The following COL27A1 variants were observed in gnomAD, a reference collection of about 807,000 sequenced individuals.
COL27A1 encodes the protein collagen alpha-1(XXVII) chain.
Under a neutral mutation model 251.3 loss-of-function variants are expected in COL27A1, and 106 were observed. The ratio of observed to expected loss-of-function variants is 0.42; its 90% CI spans 0.36 to 0.50. The LOEUF is 0.50. COL27A1 is among the 20% of genes least tolerant of loss of function. The pLI, the probability that COL27A1 is intolerant of heterozygous loss-of-function variation, is 0.00. For missense variants in COL27A1, 2,325 were observed against 2,522.8 expected (o/e 0.92, Z 1.68); for synonymous variants, 1,000 against 986.3 (o/e 1.01, Z -0.26).
intron 42 of COL27A1, 74 bp from the exon 43 acceptor site, chr9:114,288,628 G>A (rs373784590): frequency 1.1e-5 from 17 of 1,563,914 alleles, no homozygotes; most frequent in East Asian, 4.5e-5. Flanking sequence ...CGCAGAGGTC[G>A]CGGCCAACAG....
At chr9:114,245,180 A>C (rs1454008217) in intron 23 of COL27A1, among the ~76,000 whole-genome samples, 1 of 114,342 alleles carries the variant, frequency 8.7e-6, no homozygotes, top group Non-Finnish European at 1.7e-5. Context: ...TTTTTTTGAC[A>C]GTCTCGCTCT....
chr9:114,237,405 G>A (rs1564507601), intron 18 of COL27A1, among the ~76,000 whole-genome samples: 1 of 152,232 alleles, frequency 6.6e-6, no homozygotes, highest in Non-Finnish European at 1.5e-5. Context: ...TACCCCAGGA[G>A]TGAGGGAATT....
Position 114,237,642 on chromosome 9 carries a change from C to T in COL27A1, c.2674-20C>T. ...TGGGGTCCTCACCCCTGCCTCCCTGCAACCTCTTCTCTTCCACAGGGCAAA... is the reference window on the plus strand; with the variant it reads ...TGGGGTCCTCACCCCTGCCTCCCTGTAACCTCTTCTCTTCCACAGGGCAAA... On this transcript the variant is annotated intron_variant, in intron 18 of 60. Transcript: ENST00000356083. 1 of 1,613,122 alleles carries T rather than the reference C, an allele frequency of 6.2e-7. No individual in the cohort carries two copies. Among genetic ancestry groups the T allele is most frequent in the East Asian group, 2.2e-5 (1 of 44,872 alleles).
intron 6 of COL27A1, 118 bp from the exon 7 acceptor site, chr9:114,195,841 C>A: frequency 1.2e-6 from 1 of 852,002 alleles, no homozygotes; most frequent in Non-Finnish European, 2.0e-6. Flanking sequence ...CTCTACTTCT[C>A]TATGAATCTC....
At position 114,310,664 on chromosome 9, in the gene COL27A1, G is replaced by A. The variant is rs755653170; in HGVS notation, c.5552G>A (p.Arg1851His). 6.2e-6 allele frequency: 10 copies of A among 1,614,048 alleles called. No individual in the cohort carries two copies. The highest frequency in any genetic ancestry group is 2.2e-5 in the East Asian group (1 of 44,890). The change falls in exon 61 of 61, where the codon CGC becomes CAC. Residue 1851 changes from arginine (R) to histidine (H), a missense_variant. Physicochemically the swap from Arg to His is conservative, Grantham distance 29. Transcript: ENST00000356083. ...LPPASSGKQYRLEVGPACFL is the reference protein window; with the variant it reads ...LPPASSGKQYHLEVGPACFL The stretch of plus-strand genomic sequence containing the variant: ...CCTGCCTCATCAGGGAAGCAGTACC[G>A]CCTGGAAGTTGGACCTGCGTGCTTC...
chr9:114,204,563 G>A (rs746770944), intron 7 of COL27A1, among the ~76,000 whole-genome samples: 6 of 152,178 alleles, frequency 3.9e-5, no homozygotes, highest in African/African-American at 7.2e-5. Context: ...AGGAGCTGGG[G>A]CCGGTGGGAG....
At chr9:114,214,811 G>A (rs1266571342) in intron 12 of COL27A1, among the ~76,000 whole-genome samples, 1 of 152,214 alleles carries the variant, frequency 6.6e-6, no homozygotes, top group Non-Finnish European at 1.5e-5. Flanking sequence ...CTGGCGAGGG[G>A]TCCAGGTGGA....
At chr9:114,240,142 A>G in intron 19 of COL27A1, 78 bp from the exon 20 acceptor site, 1 of 1,285,268 alleles carries the variant, frequency 7.8e-7, no homozygotes, top group South Asian at 1.2e-5. Context: ...AAACCCGGTC[A>G]GTCTCCCTGC....
intron 15 of COL27A1, 22 bp downstream of exon 15, chr9:114,231,154 G>A (rs371299354): frequency 6.8e-6 from 11 of 1,612,096 alleles, no homozygotes; most frequent in Middle Eastern, 3.3e-4. Flanking sequence ...ATGTTCCCCC[G>A]ATTCAGGCCT....
chr9:114,275,805 G>T (rs887385388), intron 37 of COL27A1, 37 bp downstream of exon 37: 11 of 1,399,404 alleles, frequency 7.9e-6, no homozygotes, highest in Non-Finnish European at 1.1e-5. Flanking sequence ...CTGGAGCTCT[G>T]GGGTACCCTG....
chr9:114,278,982 C>T (rs865823568), intron 37 of COL27A1, among the ~76,000 whole-genome samples: 1 of 152,166 alleles, frequency 6.6e-6, no homozygotes, highest in Non-Finnish European at 1.5e-5. Context: ...TGTATGCTCT[C>T]GGCTGGAGAG....
chr9:114,276,536 C>T (rs61161329), intron 37 of COL27A1, among the ~76,000 whole-genome samples: 3,414 of 152,198 alleles, frequency 0.022, 115 homozygotes, highest in African/African-American at 0.078. Flanking sequence ...ACCTGGGAGG[C>T]GGGGGTTGCA....
intron 24 of COL27A1, 71 bp from the exon 25 acceptor site, chr9:114,250,544 G>T (rs1833469135): frequency 1.4e-6 from 2 of 1,429,056 alleles, no homozygotes; most frequent in South Asian, 2.3e-5. Context: ...ATGAGCTTCA[G>T]GGGAAGGAGC....
At chr9:114,175,936 T>C (rs1477647987) in intron 3 of COL27A1, among the ~76,000 whole-genome samples, 1 of 152,208 alleles carries the variant, frequency 6.6e-6, no homozygotes, top group Non-Finnish European at 1.5e-5. Context: ...GAAATGCCAG[T>C]GCCAGGAAGT....
At position 114,173,164 on chromosome 9, in the gene COL27A1, CCG is replaced by C. The variant is rs1443620897; in HGVS notation, c.1908+3702_1908+3703del. On this transcript the variant is annotated intron_variant, in intron 3 of 60. Transcript: ENST00000356083. ...CCCTGGGTGAGTTGGGGCGGGGAGG[CCG>C]TGGTTCACAGCCCTGCACAGAAGCT... 2.0e-5 allele frequency among the ~76,000 whole-genome samples: 3 copies of C among 152,238 alleles called. No homozygotes were observed. The East Asian group carries it at 5.8e-4, about 29-fold the overall frequency.
At chr9:114,180,024 G>A (rs145004280) in intron 4 of COL27A1, among the ~76,000 whole-genome samples, 16 of 151,888 alleles carry the variant, frequency 1.1e-4, no homozygotes, top group African/African-American at 3.9e-4. Context: ...ATTTTTAGTA[G>A]ACATGGGGTT....
intron 28 of COL27A1, among the ~76,000 whole-genome samples, chr9:114,260,680 T>C (rs1834254718): frequency 6.6e-6 from 1 of 151,676 alleles, no homozygotes; most frequent in Non-Finnish European, 1.5e-5. Flanking sequence ...CAAGGGAGGC[T>C]CTCATCCTCT....
At chr9:114,285,042 T>C (rs1026578911) in intron 41 of COL27A1, among the ~76,000 whole-genome samples, 6 of 152,224 alleles carry the variant, frequency 3.9e-5, no homozygotes, top group African/African-American at 1.4e-4. Flanking sequence ...TCACGGGGCT[T>C]ATAGTCAAGA....
rs776196829 is a variant in COL27A1 at position 114,302,160 on chromosome 9, TG to T, written c.4872+57del. 2.6e-6 allele frequency: 4 copies of T among 1,511,204 alleles called. No homozygotes were observed. The African/African-American group carries it at 5.5e-5, about 21-fold the overall frequency. 93.6% of individuals were successfully genotyped at this position (1,511,204 alleles called of 1,614,324 possible). Reference sequence around the variant, plus strand: ...TACTTGGGGTAAGGCCTGAGGGGTTTGGGGGAAGAGGCTGCTGGCCCTCTCT... The same window carrying T: ...TACTTGGGGTAAGGCCTGAGGGGTTTGGGGAAGAGGCTGCTGGCCCTCTCT... On this transcript the variant is annotated intron_variant, in intron 56 of 60. Transcript: ENST00000356083.
Sources: gnomAD v4.1 joint callset for allele counts (sites outside exome capture counted in the v4.1 genomes callset) on GRCh38, gnomAD v4.1.1 for gene constraint, MANE v1.5 for transcripts, NCBI Gene and HGNC (gene_info 2026-07-23, HGNC 2026-07-21) for gene names.